POLK: variants seen among roughly 807,000 people sequenced by gnomAD.
POLK encodes DNA polymerase kappa, also known as polymerase (DNA directed) kappa.
POLK carries 76 observed loss-of-function variants against 94.0 expected under a neutral mutation model. The observed-to-expected ratio is 0.81, with a 90% CI of 0.67 to 0.98. The LOEUF (loss-of-function observed/expected upper bound fraction) is 0.98, where lower values mean the gene tolerates loss of function less well. POLK is among the 50% of genes least tolerant of loss of function. POLK has a pLI of 0.00. For missense variants in POLK, 954 were observed against 1,010.1 expected, an observed-to-expected ratio of 0.94 and a Z score of 0.75; for synonymous variants, 349 against 325.4, an observed-to-expected ratio of 1.07 and a Z score of -0.78.
rs140889443 is a variant in POLK, at chr5:75,588,556, G to C, written c.1259+1498G>C. The stretch of plus-strand genomic sequence containing the variant: ...AACATACTCTATTGGCAAGACTGTA[G>C]GAGTGAAAAATGTGTAAACTTTAGA... On this transcript the variant is annotated intron_variant, in intron 10 of 14. Coordinates refer to ENST00000241436, the Ensembl canonical transcript of POLK. Among the ~76,000 whole-genome samples the C allele has an allele frequency of 1.1e-3, 164 of 152,270 alleles. 1 individual carries two copies. The East Asian group carries it at 0.027, about 25-fold the overall frequency.
chr5:75,541,469 G>GT (rs1380014476), intron 1 of POLK, among the ~76,000 whole-genome samples: 2 of 152,114 alleles, frequency 1.3e-5, no homozygotes, highest in Non-Finnish European at 2.9e-5. Context: ...ATGAAGTAGA[G>GT]TATAGATTTT....
intron 3 of POLK, among the ~76,000 whole-genome samples, chr5:75,559,127 G>C (rs1375691845): frequency 2.6e-5 from 4 of 152,182 alleles, no homozygotes; most frequent in African/African-American, 4.8e-5. Context: ...GATTGAGGAA[G>C]TTTAAGGAGT....
At chr5:75,597,325 A>G (rs1221448683) in intron 13 of POLK, 147 bp downstream of exon 13, 4 of 594,540 alleles carry the variant, frequency 6.7e-6, no homozygotes, top group East Asian at 2.8e-5. Flanking sequence ...TTACATTGCC[A>G]TAGGTTAGAA....
At chr5:75,511,524 TA>T, upstream of POLK, 1 of 1,467,998 alleles carries the variant, frequency 6.8e-7, no homozygotes, top group African/African-American at 1.4e-5. Flanking sequence ...CAATTTCAAA[TA>T]GGGAAGGAAA....
chr5:75,537,452 C>T (rs1350872240), intron 1 of POLK, among the ~76,000 whole-genome samples: 1 of 152,250 alleles, frequency 6.6e-6, no homozygotes, highest in Non-Finnish European at 1.5e-5. Flanking sequence ...CCTCCGTGCT[C>T]TCTGTGTTTC....
In POLK at chr5:75,582,260, G is replaced by A. The variant is rs536243592; in HGVS notation, c.934+812G>A. 9.1e-6 allele frequency: 3 copies of A among 330,218 alleles called. No homozygotes were observed. The South Asian group carries it at 3.6e-4, about 40-fold the overall frequency. 20.5% of individuals were successfully genotyped at this position (330,218 alleles called of 1,614,324 possible). ...ACATAATAACTGTTATTCATCATGA[G>A]GACCCTGAACTATCTTGTAAAAGCC... On this transcript the variant is annotated intron_variant, in intron 7 of 14. Transcript: ENST00000241436.
rs895372535 is a variant in POLK at position 75,587,303 on chromosome 5, C to T, written c.1259+245C>T. Among the ~76,000 whole-genome samples the T allele has an allele frequency of 5.9e-5, 9 of 152,022 alleles. No homozygotes were observed. The East Asian group carries it at 1.7e-3, about 29-fold the overall frequency. On this transcript the variant is annotated intron_variant, in intron 10 of 14. Transcript: ENST00000241436. ...TGGTTTTAATCCTACCTAGTGAAAACCAAGCATTTTAGAATTTCATATCTT... is the reference window on the plus strand; with the variant it reads ...TGGTTTTAATCCTACCTAGTGAAAATCAAGCATTTTAGAATTTCATATCTT...
chr5:75,547,571 AAT>A (rs1770102113), intron 2 of POLK, among the ~76,000 whole-genome samples: 1 of 152,180 alleles, frequency 6.6e-6, no homozygotes. Context: ...TTTATGGATA[AAT>A]ATATGTCATT....
At chr5:75,518,514 A>G (rs1467735787) in intron 1 of POLK, among the ~76,000 whole-genome samples, 2 of 150,842 alleles carry the variant, frequency 1.3e-5, no homozygotes, top group Non-Finnish European at 3.0e-5. Flanking sequence ...ATTTATTTGA[A>G]TTTTCTTTCT....
At chr5:75,603,445 A>C (rs573312385), downstream of POLK, among the ~76,000 whole-genome samples, 3 of 150,154 alleles carry the variant, frequency 2.0e-5, no homozygotes, top group Non-Finnish European at 4.4e-5. Flanking sequence ...AAAAAAAAGC[A>C]GTTTTCAAAA....
At chr5:75,524,747 G>A (rs1360063129) in intron 1 of POLK, among the ~76,000 whole-genome samples, 2 of 152,150 alleles carry the variant, frequency 1.3e-5, no homozygotes, top group East Asian at 1.9e-4. Context: ...TGCCTTGAGG[G>A]CAGGCACAGT....
At chr5:75,511,576 G>T, upstream of POLK, 1 of 1,461,246 alleles carries the variant, frequency 6.8e-7, no homozygotes, top group Non-Finnish European at 9.0e-7. Flanking sequence ...GCTGAGTCCC[G>T]CGTCCACTCA....
At chr5:75,606,737 C>T in the POLK span, among the ~76,000 whole-genome samples, 1 of 151,852 alleles carries the variant, frequency 6.6e-6, no homozygotes, top group African/African-American at 2.4e-5. Flanking sequence ...TCTCCTATGT[C>T]TACTTCTTTC....
chr5:75,514,918 C>T (rs1768251625), intron 1 of POLK, among the ~76,000 whole-genome samples: 1 of 151,576 alleles, frequency 6.6e-6, no homozygotes, highest in African/African-American at 2.4e-5. Flanking sequence ...AATGATTAAA[C>T]ATTTGAGAAT....
At chr5:75,568,740 G>A (rs1561381440) in intron 3 of POLK, 3 of 419,096 alleles carry the variant, frequency 7.2e-6, no homozygotes, top group Non-Finnish European at 1.4e-5. Flanking sequence ...TTATGCTACA[G>A]TATCTTCAGT....
intron 1 of POLK, among the ~76,000 whole-genome samples, chr5:75,531,408 T>C (rs1202217976): frequency 6.6e-6 from 1 of 151,844 alleles, no homozygotes; most frequent in Admixed American, 6.6e-5. Flanking sequence ...CACCAGTATA[T>C]AATATATAGC....
intron 1 of POLK, among the ~76,000 whole-genome samples, chr5:75,537,668 G>A (rs1036255038): frequency 5.9e-5 from 9 of 152,054 alleles, no homozygotes; most frequent in African/African-American, 1.7e-4. Flanking sequence ...TTAGAAGCAG[G>A]TCACTTAATT....
intron 1 of POLK, among the ~76,000 whole-genome samples, chr5:75,536,917 A>C (rs181282898): frequency 4.0e-4 from 61 of 152,166 alleles, no homozygotes; most frequent in Non-Finnish European, 2.9e-5. Flanking sequence ...CTGTCCCAGC[A>C]TTTCTTGGGA....
At chr5:75,520,106 A>G (rs1768498189) in intron 1 of POLK, among the ~76,000 whole-genome samples, 1 of 152,198 alleles carries the variant, frequency 6.6e-6, no homozygotes, top group Non-Finnish European at 1.5e-5. Context: ...AGTTATTTTA[A>G]AACAATGACA....
Sources: gnomAD v4.1 joint callset for allele counts (sites outside exome capture counted in the v4.1 genomes callset) on GRCh38, gnomAD v4.1.1 for gene constraint, MANE v1.5 for transcripts, NCBI Gene and HGNC (gene_info 2026-07-23, HGNC 2026-07-21) for gene names.